Variants in UBAP2L observed in about 807,000 individuals in gnomAD.
UBAP2L encodes the protein ubiquitin-associated protein 2-like.
UBAP2L carries 12 observed loss-of-function variants against 130.6 expected under a neutral mutation model. The observed-to-expected ratio is 0.09, with a 90% CI of 0.06 to 0.15. UBAP2L has a LOEUF of 0.15. Among genes scored for constraint, UBAP2L ranks in the 10% least tolerant of loss-of-function variants. The pLI, the probability that UBAP2L is intolerant of heterozygous loss-of-function variation, is 1.00. For missense variants in UBAP2L, 965 were observed against 1,332.5 expected (o/e 0.72, Z 4.29); for synonymous variants, 503 against 524.7 (o/e 0.96, Z 0.57).
chr1:154,221,670 C>G (rs1380513994), intron 1 of UBAP2L, among the ~76,000 whole-genome samples: 1 of 152,220 alleles, frequency 6.6e-6, no homozygotes, highest in African/African-American at 2.4e-5. Context: ...ATCCTCCACC[C>G]GTGGGCTTGC....
At position 154,270,621 on chromosome 1, in the gene UBAP2L, G is replaced by A. The variant is rs2282227; in HGVS notation, c.*326G>A. On this transcript the variant is annotated 3_prime_UTR_variant, in exon 27 of 27. Transcript: ENST00000428931. ...CCCTGGTGGTGTACGGATGAGGCGGGGAGGTGGGACCCCCAAACATATATC... is the reference window on the plus strand; with the variant it reads ...CCCTGGTGGTGTACGGATGAGGCGGAGAGGTGGGACCCCCAAACATATATC... 0.28 allele frequency: 388,625 copies of A among 1,409,698 alleles called. 57,132 individuals are homozygous for A. Among genetic ancestry groups the A allele is most frequent in the East Asian group, 0.43 (16,475 of 38,032 alleles). The allele number at this position is 1,409,698 out of a possible 1,614,324, so 87.3% of individuals were successfully genotyped here. A position where few individuals can be genotyped will look rare whatever the true frequency, so the allele number is the denominator to read the frequency against.
chr1:154,268,618 G>C, intron 25 of UBAP2L, 139 bp from the exon 26 acceptor site: 1 of 783,580 alleles, frequency 1.3e-6, no homozygotes, highest in East Asian at 2.5e-5. Flanking sequence ...ACTGAGACCT[G>C]AATATGTGAC....
intron 1 of UBAP2L, among the ~76,000 whole-genome samples, chr1:154,223,739 G>T (rs1182740435): frequency 6.6e-6 from 1 of 152,102 alleles, no homozygotes; most frequent in Non-Finnish European, 1.5e-5. Flanking sequence ...ACGCAACTTG[G>T]TGAAGAATTT....
rs920409218 is a variant in UBAP2L, at chr1:154,230,021, A to AT, written c.279+1308dup. Among the ~76,000 whole-genome samples the AT allele has an allele frequency of 3.3e-3, 482 of 146,718 alleles. 2 individuals are homozygous for AT. The highest frequency in any genetic ancestry group is 0.01 in the African/African-American group (409 of 40,202). On this transcript the variant is annotated intron_variant, in intron 4 of 26. Transcript: ENST00000428931. ...AGGCATTCACCACCATACCCAGCTA[A>AT]TTTTTTTTTTTTGAGACGGTGTCTC... is the stretch of plus-strand genomic sequence containing the variant.
At chr1:154,225,875 G>A (rs1385116633) in intron 2 of UBAP2L, among the ~76,000 whole-genome samples, 2 of 152,148 alleles carry the variant, frequency 1.3e-5, no homozygotes, top group African/African-American at 2.4e-5. Flanking sequence ...GTGCAATGGC[G>A]CCACTTCGGC....
chr1:154,243,007 G>T, intron 9 of UBAP2L: 1 of 389,380 alleles, frequency 2.6e-6, no homozygotes, highest in African/African-American at 2.1e-5. Flanking sequence ...ATATTTTATT[G>T]GGTTCCTTGC....
At chr1:154,254,302 C>T (rs577228134) in intron 15 of UBAP2L, among the ~76,000 whole-genome samples, 6 of 152,332 alleles carry the variant, frequency 3.9e-5, no homozygotes, top group East Asian at 1.9e-4. Context: ...TCTCTTTGTA[C>T]TAAAAATTCA....
At chr1:154,254,556 CTA>C in intron 15 of UBAP2L, 2 of 520,620 alleles carry the variant, frequency 3.8e-6, no homozygotes, top group Non-Finnish European at 6.7e-6. Flanking sequence ...GGCCTTTCCT[CTA>C]TCTGTTTTAG....
chr1:154,250,140 A>G (rs947845284), intron 12 of UBAP2L, among the ~76,000 whole-genome samples: 1 of 152,074 alleles, frequency 6.6e-6, no homozygotes, highest in Non-Finnish European at 1.5e-5. Context: ...ATCTTGGCTC[A>G]CTCATCTTCC....
intron 4 of UBAP2L, among the ~76,000 whole-genome samples, chr1:154,229,332 C>T (rs1409858740): frequency 6.6e-6 from 1 of 152,092 alleles, no homozygotes; most frequent in Admixed American, 6.5e-5. Flanking sequence ...TTCACTTCTC[C>T]TTCCCACTTC....
chr1:154,259,894 A>G, intron 21 of UBAP2L, 54 bp from the exon 22 acceptor site: 1 of 1,545,010 alleles, frequency 6.5e-7, no homozygotes, highest in Non-Finnish European at 9.0e-7. Flanking sequence ...AATAGTACTC[A>G]TGCTGGGGAA....
chr1:154,263,003 G>A, intron 24 of UBAP2L: 2 of 1,160,046 alleles, frequency 1.7e-6, no homozygotes, highest in Non-Finnish European at 2.4e-6. Flanking sequence ...TCAGAATTCA[G>A]AAACGTATTA....
Position 154,240,831 on chromosome 1 carries a change from A to C in UBAP2L, c.704-682A>C, listed in dbSNP as rs558289894. ...TACTAGATAAATAGGTGTAGTTTGC[A>C]TGTTATGGTTTAAATTGGCTGCTGC... On this transcript the variant is annotated intron_variant, in intron 8 of 26. Transcript: ENST00000428931. Among the ~76,000 whole-genome samples, 13 of 151,268 alleles carry C rather than the reference A, an allele frequency of 8.6e-5. No homozygotes were observed. In the South Asian group the frequency reaches 2.7e-3, roughly 32 times the overall value.
At chr1:154,242,624 C>T (rs189547386) in intron 9 of UBAP2L, among the ~76,000 whole-genome samples, 2 of 152,204 alleles carry the variant, frequency 1.3e-5, no homozygotes, top group Non-Finnish European at 1.5e-5. Context: ...AAAGTTAATC[C>T]CTGCATTTGC....
At chr1:154,268,638 A>G in intron 25 of UBAP2L, 119 bp from the exon 26 acceptor site, 1 of 932,048 alleles carries the variant, frequency 1.1e-6, no homozygotes, top group South Asian at 1.5e-5. Flanking sequence ...CTTCAAGTGT[A>G]CTGTGCCTTC....
At chr1:154,236,322 T>A (rs1399875804) in intron 6 of UBAP2L, among the ~76,000 whole-genome samples, 2 of 152,042 alleles carry the variant, frequency 1.3e-5, no homozygotes, top group African/African-American at 4.8e-5. Context: ...CCTCAGCCCC[T>A]CAAGGAGCTG....
chr1:154,229,468 G>GTATTAT (rs762674537), intron 4 of UBAP2L, among the ~76,000 whole-genome samples: 6 of 151,510 alleles, frequency 4.0e-5, no homozygotes, highest in South Asian at 2.1e-4. Flanking sequence ...AATGAGCAGT[G>GTATTAT]TATTATTATT....
intron 14 of UBAP2L, among the ~76,000 whole-genome samples, chr1:154,253,329 AG>A (rs975690838): frequency 2.0e-5 from 3 of 150,992 alleles, no homozygotes; most frequent in Non-Finnish European, 4.4e-5. Flanking sequence ...AGCAAAATGT[AG>A]GGGGGAGCCA....
upstream of UBAP2L, chr1:154,220,722 C>A: frequency 2.6e-6 from 1 of 386,140 alleles, no homozygotes; most frequent in Non-Finnish European, 4.8e-6. Flanking sequence ...GTGGTGGAGG[C>A]AGGGCCGCCG....
Sources: allele counts gnomAD v4.1 joint callset (sites outside exome capture counted in the v4.1 genomes callset), GRCh38; gene constraint gnomAD v4.1.1; transcripts MANE v1.5; gene names NCBI Gene and HGNC (gene_info 2026-07-23, HGNC 2026-07-21).